Variants in MYO16 observed in about 807,000 individuals in gnomAD.
MYO16 encodes unconventional myosin-XVI.
A neutral mutation model predicts 205.3 loss-of-function variants in MYO16; 94 were observed. The ratio of observed to expected loss-of-function variants is 0.46; its 90% confidence interval spans 0.39 to 0.54. MYO16 has a LOEUF of 0.54. Ranked by LOEUF, MYO16 falls within the 20% of genes least tolerant of loss-of-function variation. MYO16 has a pLI of 0.00. For synonymous variants in MYO16, 988 were observed against 954.0 expected (o/e 1.04, Z -0.66); for missense variants, 2,315 against 2,387.5 (o/e 0.97, Z 0.63).
chr13:108,520,996 C>T, the MYO16 span, among the ~76,000 whole-genome samples: 1 of 152,136 alleles, frequency 6.6e-6, no homozygotes, highest in African/African-American at 2.4e-5. Context: ...TTCTTTCCTT[C>T]CTTCCTTTCT....
the MYO16 span, among the ~76,000 whole-genome samples, chr13:108,517,164 A>C: frequency 6.6e-6 from 1 of 152,150 alleles, no homozygotes; most frequent in African/African-American, 2.4e-5. Context: ...TTCTGGCTTC[A>C]AGTGATTCTC....
chr13:109,058,501 A>G (rs560261949), intron 27 of MYO16, among the ~76,000 whole-genome samples: 13 of 152,324 alleles, frequency 8.5e-5, no homozygotes, highest in African/African-American at 2.4e-4. Context: ...TATAAAAGTT[A>G]TATTTGCACT....
At position 109,100,835 on chromosome 13, in the gene MYO16, C is replaced by T. The variant is rs765245128; in HGVS notation, c.3386C>T (p.Ala1129Val). 1 of 1,613,700 alleles carries T rather than the reference C, an allele frequency of 6.2e-7. No individual in the cohort carries two copies. The highest frequency in any genetic ancestry group is 1.7e-4 in the Middle Eastern group (1 of 6,060). ...TFLREKKEQS[A>V]AERCRLVLQQ... ...CTGCGTGAGAAGAAGGAACAGTCAG[C>T]TGCCGAGCGATGTCGACTTGTTCTC... Residue 1129 changes from alanine (A) to valine (V), a missense_variant, in exon 28 of 35, where the codon GCT (alanine) becomes GTT (valine). Ala to Val is a moderately conservative substitution (Grantham distance 64, BLOSUM62 0). This residue lies in a region of MYO16 where 1,097 missense variants were observed against 1,092.0 expected (regional missense o/e 1.00). Coordinates refer to ENST00000457511, the MANE Select transcript of MYO16 (RefSeq NM_001198950.3).
At chr13:108,743,057 A>C (rs1283561884) in intron 4 of MYO16, among the ~76,000 whole-genome samples, 1 of 152,258 alleles carries the variant, frequency 6.6e-6, no homozygotes, top group East Asian at 1.9e-4. Context: ...TAGCAATTCT[A>C]AAGCTGTGAC....
chr13:108,667,325 T>TC (rs201472195), intron 2 of MYO16, among the ~76,000 whole-genome samples: 1 of 138,384 alleles, frequency 7.2e-6, no homozygotes, highest in Non-Finnish European at 1.5e-5. Context: ...GTTTTGTTTT[T>TC]TTTTTTTTTT....
chr13:108,540,119 CT>C, the MYO16 span, among the ~76,000 whole-genome samples: 505 of 152,194 alleles, frequency 3.3e-3, 10 homozygotes, highest in South Asian at 0.056. Flanking sequence ...AATTACATGA[CT>C]AGCTTCTCAC....
At position 109,140,146 on chromosome 13, in the gene MYO16, C is replaced by T. The variant is rs912098346; in HGVS notation, c.4052-118C>T. On this transcript the variant is annotated intron_variant, in intron 31 of 34. Coordinates refer to ENST00000457511, the MANE Select transcript of MYO16 (RefSeq NM_001198950.3). The surrounding 1 kb of genome is among the most constrained non-coding windows in gnomAD (Gnocchi z 8.0). ...TAGTGGGTGGAGGAACATGCAGGCC[C>T]GGTCCCTTGGGATTCTCGGGGCACG... 1.3e-4 allele frequency: 199 copies of T among 1,482,042 alleles called. No homozygotes were observed. Among genetic ancestry groups the T allele is most frequent in the Admixed American group, 3.2e-4 (14 of 43,404 alleles). The allele number at this position is 1,482,042 out of a possible 1,614,324, so 91.8% of individuals were successfully genotyped here.
chr13:108,884,044 A>G (rs1308557254), intron 13 of MYO16, among the ~76,000 whole-genome samples: 2 of 152,146 alleles, frequency 1.3e-5, no homozygotes, highest in Non-Finnish European at 2.9e-5. Flanking sequence ...ATTCAGCCAA[A>G]CCTCTACAAG....
chr13:109,021,167 C>T (rs1420699355), intron 23 of MYO16, among the ~76,000 whole-genome samples: 1 of 152,072 alleles, frequency 6.6e-6, no homozygotes, highest in Non-Finnish European at 1.5e-5. Flanking sequence ...AGAATCCATT[C>T]TACCTATTTA....
At chr13:108,744,075 A>G (rs1018458232) in intron 4 of MYO16, among the ~76,000 whole-genome samples, 6 of 152,246 alleles carry the variant, frequency 3.9e-5, no homozygotes, top group African/African-American at 1.4e-4. Context: ...GTGGTAGAAA[A>G]TCCCGGCCAA....
chr13:108,723,534 T>C (rs1312709458), intron 3 of MYO16, among the ~76,000 whole-genome samples: 27 of 152,208 alleles, frequency 1.8e-4, no homozygotes, highest in Admixed American at 1.6e-3. Context: ...AGTATTTTTA[T>C]ACATGTGTGT....
chr13:108,745,688 A>C (rs1398486149), intron 4 of MYO16, among the ~76,000 whole-genome samples: 1 of 152,160 alleles, frequency 6.6e-6, no homozygotes, highest in Non-Finnish European at 1.5e-5. Context: ...GTTTGAAGAT[A>C]TAAAAAAAAC....
chr13:108,656,877 G>C (rs1464177985), intron 1 of MYO16, among the ~76,000 whole-genome samples: 1 of 152,106 alleles, frequency 6.6e-6, no homozygotes, highest in East Asian at 1.9e-4. Context: ...AAAAGTTAAA[G>C]AAAAAGCAAT....
At chr13:108,772,251 T>G (rs921096675) in intron 4 of MYO16, among the ~76,000 whole-genome samples, 7 of 151,982 alleles carry the variant, frequency 4.6e-5, no homozygotes, top group African/African-American at 1.5e-4. Context: ...CCCAGCTACT[T>G]GGGAGGCTGA....
chr13:109,134,581 GTC>G (rs1236259726), intron 31 of MYO16, among the ~76,000 whole-genome samples: 1 of 152,202 alleles, frequency 6.6e-6, no homozygotes, highest in East Asian at 1.9e-4. Context: ...CTCCTTGGGT[GTC>G]TCTCTCTGTC....
intron 34 of MYO16, among the ~76,000 whole-genome samples, chr13:109,194,248 T>A (rs1186512406): frequency 6.6e-6 from 1 of 152,180 alleles, no homozygotes; most frequent in East Asian, 1.9e-4. Flanking sequence ...TTCATAAACA[T>A]ATGAAGCACA....
At chr13:108,594,013 CAA>C (rs1317433125), upstream of MYO16, among the ~76,000 whole-genome samples, 1 of 152,174 alleles carries the variant, frequency 6.6e-6, no homozygotes, top group Non-Finnish European at 1.5e-5. Flanking sequence ...CATGATGGAA[CAA>C]GACCCCTCTG....
intron 24 of MYO16, chr13:109,048,252 T>A (rs1182619633): frequency 1.5e-6 from 1 of 651,866 alleles, no homozygotes; most frequent in Non-Finnish European, 2.8e-6. Context: ...ATAGAGTCCC[T>A]GTATTTTAAA....
chr13:109,173,593 T>C (rs1255797897), intron 33 of MYO16, among the ~76,000 whole-genome samples: 1 of 152,094 alleles, frequency 6.6e-6, no homozygotes, highest in African/African-American at 2.4e-5. Context: ...GAGCCATGAA[T>C]GCCAATTTAA....
Sources: gnomAD v4.1 joint callset for allele counts (sites outside exome capture counted in the v4.1 genomes callset) on GRCh38, gnomAD v4.1.1 for gene constraint, gnomAD v4.1.1 regional missense constraint, Gnocchi (gnomAD v3.1) non-coding constraint, MANE v1.5 for transcripts, NCBI Gene and HGNC (gene_info 2026-07-23, HGNC 2026-07-21) for gene names.